Variants in NRG3 observed in about 807,000 individuals in gnomAD.
The protein encoded by NRG3 is neuregulin 3.
Under a neutral mutation model 66.9 loss-of-function variants are expected in NRG3, and 31 were observed. That is an observed-to-expected ratio of 0.46 (90% CI 0.35 to 0.63). The LOEUF (loss-of-function observed/expected upper bound fraction) is 0.63. Among genes scored for constraint, NRG3 ranks in the 20% least tolerant of loss-of-function variants. The pLI is 0.00. For missense variants in NRG3, 910 were observed against 878.9 expected (o/e 1.04, Z -0.45); for synonymous variants, 393 against 359.4 (o/e 1.09, Z -1.06).
chr10:82,189,013 T>G (rs991366858), intron 1 of NRG3, among the ~76,000 whole-genome samples: 1 of 152,148 alleles, frequency 6.6e-6, no homozygotes, highest in Non-Finnish European at 1.5e-5. Context: ...ATTAAAAATT[T>G]TAAAAAGCCA....
intron 1 of NRG3, among the ~76,000 whole-genome samples, chr10:82,141,255 G>A (rs1187620771): frequency 6.6e-6 from 1 of 152,036 alleles, no homozygotes; most frequent in African/African-American, 2.4e-5. Context: ...TGATGATTCA[G>A]GAAAGTAATT....
chr10:82,202,041 C>T (rs1349765380), intron 1 of NRG3, among the ~76,000 whole-genome samples: 2 of 152,180 alleles, frequency 1.3e-5, no homozygotes, highest in Non-Finnish European at 2.9e-5. Flanking sequence ...TGAAGACCTA[C>T]TGAGTACCTG....
intron 1 of NRG3, among the ~76,000 whole-genome samples, chr10:81,879,720 A>G (rs1589327601): frequency 6.6e-6 from 1 of 152,232 alleles, no homozygotes; most frequent in South Asian, 2.1e-4. Flanking sequence ...GTCTATTTCT[A>G]TAAAACTTTA....
chr10:82,259,367 T>TA (rs2077900449), intron 1 of NRG3, among the ~76,000 whole-genome samples: 1 of 152,078 alleles, frequency 6.6e-6, no homozygotes, highest in Non-Finnish European at 1.5e-5. Context: ...GTCATTAAGA[T>TA]AAAAAATCCT....
intron 2 of NRG3, among the ~76,000 whole-genome samples, chr10:82,662,632 G>A (rs1025546639): frequency 2.0e-5 from 3 of 152,246 alleles, no homozygotes; most frequent in Non-Finnish European, 4.4e-5. Flanking sequence ...TGTGCCAAGT[G>A]CCAGTGCCCA....
intron 2 of NRG3, among the ~76,000 whole-genome samples, chr10:82,539,878 C>T (rs2043413146): frequency 6.6e-6 from 1 of 152,156 alleles, no homozygotes; most frequent in Non-Finnish European, 1.5e-5. Context: ...GTGATCCACC[C>T]ACCTTGGCCT....
chr10:82,984,751 C>T (rs775065222), intron 8 of NRG3: 1 of 1,550,974 alleles, frequency 6.4e-7, no homozygotes, highest in South Asian at 1.2e-5. Flanking sequence ...GCCACACTTA[C>T]CTGCTCAATC....
chr10:81,917,979 G>A (rs572811473), intron 1 of NRG3, among the ~76,000 whole-genome samples: 34 of 152,296 alleles, frequency 2.2e-4, no homozygotes, highest in Admixed American at 1.0e-3. Flanking sequence ...CATGGCTTGT[G>A]CATGAGGGAG....
intron 1 of NRG3, among the ~76,000 whole-genome samples, chr10:82,276,174 G>C (rs539790248): frequency 2.6e-5 from 4 of 151,834 alleles, no homozygotes; most frequent in Non-Finnish European, 4.4e-5. Flanking sequence ...GGATACACAC[G>C]AGTAATTGTC....
intron 2 of NRG3, among the ~76,000 whole-genome samples, chr10:82,516,920 T>C (rs1368701096): frequency 6.6e-6 from 1 of 152,200 alleles, no homozygotes; most frequent in Non-Finnish European, 1.5e-5. Flanking sequence ...CCCAGTTTTA[T>C]TGGCAGGGAA....
At chr10:82,019,397 G>C (rs115236317) in intron 1 of NRG3, among the ~76,000 whole-genome samples, 6,897 of 152,030 alleles carry the variant, frequency 0.045, 507 homozygotes, top group African/African-American at 0.15. Context: ...CTAAAATTCT[G>C]TTTTGTTTGT....
At chr10:82,807,025 A>C (rs2061317107) in intron 3 of NRG3, among the ~76,000 whole-genome samples, 2 of 152,340 alleles carry the variant, frequency 1.3e-5, no homozygotes, top group Non-Finnish European at 2.9e-5. Flanking sequence ...CTTTCCACAC[A>C]TTGTTTGCTG....
At chr10:81,987,301 T>A (rs2060564382) in intron 1 of NRG3, among the ~76,000 whole-genome samples, 1 of 152,154 alleles carries the variant, frequency 6.6e-6, no homozygotes, top group African/African-American at 2.4e-5. Flanking sequence ...GCCAGGCTGG[T>A]CTCGAACTCC....
chr10:82,565,062 G>A (rs2045308924), intron 2 of NRG3, among the ~76,000 whole-genome samples: 1 of 152,048 alleles, frequency 6.6e-6, no homozygotes, highest in South Asian at 2.1e-4. Flanking sequence ...TTTGTCATAA[G>A]GATACGAAGT....
chr10:82,867,114 G>A (rs530049006), intron 4 of NRG3, among the ~76,000 whole-genome samples: 3 of 152,286 alleles, frequency 2.0e-5, no homozygotes, highest in Non-Finnish European at 4.4e-5. Context: ...TTATTATAAT[G>A]GCTCAAAGAC....
At chr10:82,798,262 C>G (rs2060887001) in intron 3 of NRG3, among the ~76,000 whole-genome samples, 1 of 152,124 alleles carries the variant, frequency 6.6e-6, no homozygotes, top group Middle Eastern at 3.4e-3. Flanking sequence ...TTCTTCAGTT[C>G]CAATACAGAA....
At chr10:82,254,862 A>G (rs1467406517) in intron 1 of NRG3, among the ~76,000 whole-genome samples, 1 of 151,626 alleles carries the variant, frequency 6.6e-6, no homozygotes, top group African/African-American at 2.4e-5. Context: ...ATAATTGAAT[A>G]AATACAAAAA....
chr10:82,462,424 A>G (rs1291991542), intron 2 of NRG3, among the ~76,000 whole-genome samples: 1 of 152,084 alleles, frequency 6.6e-6, no homozygotes, highest in Non-Finnish European at 1.5e-5. Context: ...ATTACTCATA[A>G]GAAATTTAAA....
At chr10:82,025,946 C>T (rs2062281929) in intron 1 of NRG3, among the ~76,000 whole-genome samples, 1 of 152,018 alleles carries the variant, frequency 6.6e-6, no homozygotes, top group South Asian at 2.1e-4. Context: ...CAGCCCTGCC[C>T]CTGCTCCATC....
Sources: allele counts gnomAD v4.1 joint callset (sites outside exome capture counted in the v4.1 genomes callset), GRCh38; gene constraint gnomAD v4.1.1; transcripts MANE v1.5; gene names NCBI Gene and HGNC (gene_info 2026-07-23, HGNC 2026-07-21).